Variants in GATA4 observed in about 807,000 individuals in gnomAD.
GATA4 encodes the protein transcription factor GATA-4.
In GATA4, 7 loss-of-function variants were observed where a neutral mutation model predicts 37.9. That is an observed-to-expected ratio of 0.18 (90% CI 0.11 to 0.35). The LOEUF is 0.35. GATA4 is among the 10% of genes least tolerant of loss of function. The pLI is 1.00. For missense variants in GATA4, 647 were observed against 653.0 expected (o/e 0.99, Z 0.10); for synonymous variants, 372 against 292.6 (o/e 1.27, Z -2.77).
chr8:11,716,768 T>G (rs1386579317), intron 2 of GATA4, among the ~76,000 whole-genome samples: 1 of 152,222 alleles, frequency 6.6e-6, no homozygotes, highest in African/African-American at 2.4e-5. Context: ...GGTGGGATTG[T>G]GTGAAGAACA....
intron 2 of GATA4, among the ~76,000 whole-genome samples, chr8:11,710,847 C>T (rs1419583074): frequency 2.0e-5 from 3 of 152,170 alleles, no homozygotes; most frequent in African/African-American, 7.2e-5. Flanking sequence ...ACCCGCCGGG[C>T]GCGGTGTCTC....
intron 1 of GATA4, chr8:11,698,001 G>T: frequency 2.0e-6 from 2 of 985,452 alleles, no homozygotes; most frequent in Non-Finnish European, 2.4e-6. Context: ...TCCTCCCCGG[G>T]AGCTGGGCAA....
chr8:11,680,232 T>C (rs1445216435), intron 1 of GATA4, among the ~76,000 whole-genome samples: 1 of 152,140 alleles, frequency 6.6e-6, no homozygotes, highest in East Asian at 1.9e-4. Flanking sequence ...CAATCTTTGG[T>C]GCAAAGCCTG....
chr8:11,755,919 A>G (rs11987347), intron 5 of GATA4, among the ~76,000 whole-genome samples: 2 of 151,032 alleles, frequency 1.3e-5, no homozygotes, highest in Non-Finnish European at 2.9e-5. Context: ...TAAAAAAAAA[A>G]AAAAGAAATA....
intron 2 of GATA4, among the ~76,000 whole-genome samples, chr8:11,724,077 C>A (rs1299681747): frequency 6.6e-5 from 10 of 152,080 alleles, no homozygotes; most frequent in African/African-American, 2.4e-4. Flanking sequence ...TTGTGACGGG[C>A]TCGTTTCCTT....
upstream of GATA4, among the ~76,000 whole-genome samples, chr8:11,688,677 G>A (rs543970879): frequency 2.6e-4 from 40 of 152,312 alleles, no homozygotes; most frequent in Admixed American, 6.5e-4. Flanking sequence ...GACTAGGGGA[G>A]CCACAACTAG....
intron 1 of GATA4, chr8:11,697,883 G>A (rs780804267): frequency 7.4e-4 from 730 of 985,488 alleles, no homozygotes; most frequent in Middle Eastern, 4.7e-3. Flanking sequence ...GGCCGAGCTG[G>A]CTCAGGGAAT....
At position 11,723,073 on chromosome 8, in the gene GATA4, A is replaced by G. The variant is rs559419998; in HGVS notation, c.616+14145A>G. Among the ~76,000 whole-genome samples, 21 of 152,342 alleles carry G rather than the reference A, an allele frequency of 1.4e-4. No individual in the cohort carries two copies. In the South Asian group the frequency reaches 4.1e-3, roughly 30 times the overall value. On this transcript the variant is annotated intron_variant, in intron 2 of 6. Transcript: ENST00000532059. ...AAGAACTCATGGACTTCAGCTGAGT[A>G]TAGAGGCTCATGCTTGTAATCCCAG...
chr8:11,715,083 A>G (rs910628154), intron 2 of GATA4, among the ~76,000 whole-genome samples: 13 of 152,258 alleles, frequency 8.5e-5, no homozygotes, highest in Non-Finnish European at 1.5e-5. Flanking sequence ...ACAAACCATA[A>G]GCTATGTAGG....
Position 11,708,325 on chromosome 8 carries a change from T to C in GATA4, c.13T>C (p.Leu5=), listed in dbSNP as rs55670878. 187 of 1,584,642 alleles carry C rather than the reference T, an allele frequency of 1.2e-4. No homozygotes were observed. Among genetic ancestry groups the C allele is most frequent in the Non-Finnish European group, 1.5e-4 (177 of 1,173,230 alleles). The change falls in exon 2 of 7, where the codon TTG becomes CTG. Residue 5 remains leucine (L), a synonymous_variant. Coordinates refer to ENST00000532059, the MANE Select transcript of GATA4 (RefSeq NM_001308093.3). This position sits in a 1 kb window ranked among gnomAD's most constrained non-coding sequence, Gnocchi z 6.7. ...GCTCGCAGGGACCATGTATCAGAGC[T>C]TGGCCATGGCCGCCAACCACGGGCC... The part of the protein sequence containing the change: MYQS[L]AMAANHGPPP...
In GATA4 at chr8:11,709,236, C is replaced by G. The variant is rs976429060; in HGVS notation, c.616+308C>G. 6.6e-6 allele frequency among the ~76,000 whole-genome samples: 1 copy of G among 152,200 alleles called. No homozygotes were observed. Among genetic ancestry groups the G allele is most frequent in the African/African-American group, 2.4e-5 (1 of 41,456 alleles). ...TGGCCGCGCTGCGCTGTGGGTGACG[C>G]GGGAGGACAGCGGGCTCCCTGGAGA... On this transcript the variant is annotated intron_variant, in intron 2 of 6. Coordinates refer to ENST00000532059, the MANE Select transcript of GATA4 (RefSeq NM_001308093.3). The surrounding 1 kb of genome is among the most constrained non-coding windows in gnomAD (Gnocchi z 4.3).
chr8:11,717,327 G>C (rs904694355), intron 2 of GATA4, among the ~76,000 whole-genome samples: 1 of 152,208 alleles, frequency 6.6e-6, no homozygotes, highest in African/African-American at 2.4e-5. Context: ...TTTTTAGCGA[G>C]AGTAGCCTGT....
chr8:11,701,983 C>T (rs933642641), upstream of GATA4, among the ~76,000 whole-genome samples: 2 of 152,216 alleles, frequency 1.3e-5, no homozygotes, highest in Non-Finnish European at 2.9e-5. Context: ...TGGCAGCGGC[C>T]ATCCACAGTA....
chr8:11,738,910 G>A (rs773289878), intron 2 of GATA4, among the ~76,000 whole-genome samples: 23 of 152,196 alleles, frequency 1.5e-4, no homozygotes, highest in Non-Finnish European at 2.9e-4. Flanking sequence ...TGTCCACAGC[G>A]TGACTGGAAA....
At chr8:11,735,514 G>A (rs533964793) in intron 2 of GATA4, among the ~76,000 whole-genome samples, 2 of 152,364 alleles carry the variant, frequency 1.3e-5, no homozygotes, top group Admixed American at 1.3e-4. Context: ...TGCCCCTGGA[G>A]ATGGGATCAT....
intron 1 of GATA4, among the ~76,000 whole-genome samples, chr8:11,685,290 A>C (rs771680897): frequency 2.0e-5 from 3 of 152,242 alleles, no homozygotes; most frequent in Admixed American, 1.3e-4. Context: ...GAGAAGAGAG[A>C]AGACTAATGT....
At chr8:11,723,314 C>CCACTGCAA (rs1800760015) in intron 2 of GATA4, among the ~76,000 whole-genome samples, 1 of 151,754 alleles carries the variant, frequency 6.6e-6, no homozygotes, top group Non-Finnish European at 1.5e-5. Flanking sequence ...CATGGTCCAA[C>CCACTGCAA]CACTGCAATC....
At chr8:11,699,064 T>C (rs1173593079) in intron 1 of GATA4, among the ~76,000 whole-genome samples, 3 of 152,216 alleles carry the variant, frequency 2.0e-5, no homozygotes. Context: ...TTTTAATCAT[T>C]CACCCAACAC....
chr8:11,755,769 G>T (rs1802528016), intron 5 of GATA4, among the ~76,000 whole-genome samples: 1 of 151,892 alleles, frequency 6.6e-6, no homozygotes, highest in Non-Finnish European at 1.5e-5. Context: ...CTGCTTCTGG[G>T]TCAATGTTCT....
Sources: gnomAD v4.1 joint callset for allele counts (sites outside exome capture counted in the v4.1 genomes callset) on GRCh38, gnomAD v4.1.1 for gene constraint, Gnocchi (gnomAD v3.1) non-coding constraint, MANE v1.5 for transcripts, NCBI Gene and HGNC (gene_info 2026-07-23, HGNC 2026-07-21) for gene names.